MEX3D: variants seen among roughly 807,000 people sequenced by gnomAD.
The protein encoded by MEX3D is mex-3 RNA binding family member D, also known as RNA-binding protein MEX3D.
MEX3D carries 4 observed loss-of-function variants against 6.3 expected under a neutral mutation model. That is an observed-to-expected ratio of 0.64 (90% CI 0.31 to 1.46). The LOEUF is 1.46. MEX3D is among the 40% of genes most tolerant of loss of function. The pLI, the probability that MEX3D is intolerant of heterozygous loss-of-function variation, is 0.07. For missense variants in MEX3D, 1,038 were observed against 994.4 expected, an observed-to-expected ratio of 1.04 and a Z score of -0.59; for synonymous variants, 626 against 494.1, an observed-to-expected ratio of 1.27 and a Z score of -3.54.
chr19:1,563,305 C>T (rs1029007646), intron 1 of MEX3D, among the ~76,000 whole-genome samples: 1 of 152,184 alleles, frequency 6.6e-6, no homozygotes, highest in African/African-American at 2.4e-5. Flanking sequence ...AGCCAGGGGT[C>T]GCCCCCAGCT....
Position 1,567,484 on chromosome 19 carries a change from G to C in MEX3D, c.575C>G (p.Ala192Gly). Residue 192 changes from alanine (A) to glycine (G), a missense_variant, in exon 1 of 2, where the codon GCC becomes GGC. Ala to Gly is a moderately conservative substitution (Grantham distance 60, BLOSUM62 0). Coordinates refer to ENST00000402693, the MANE Select transcript of MEX3D (RefSeq NM_203304.4). The surrounding 1 kb of genome is among the most constrained non-coding windows in gnomAD (Gnocchi z 6.5). The stretch of plus-strand genomic sequence containing the variant: ...CTCACCCTGGCGACCCACGATCTCG[G>C]CGACGTGCTCGGAGCTGGGCACCGG... ...CVPVPSSEHV[A>G]EIVGRQGCKI... The C allele has an allele frequency of 6.4e-7, 1 of 1,572,886 alleles. No homozygotes were observed. Among genetic ancestry groups the C allele is most frequent in the Non-Finnish European group, 8.6e-7 (1 of 1,160,418 alleles).
At chr19:1,566,609 T>C (rs1276897425) in intron 1 of MEX3D, among the ~76,000 whole-genome samples, 2 of 151,718 alleles carry the variant, frequency 1.3e-5, no homozygotes, top group African/African-American at 4.8e-5. Context: ...AGGAGAAAGT[T>C]GAGGGAGGCA....
In MEX3D at chr19:1,567,585, C is replaced by T. The variant is rs1914875454; in HGVS notation, c.474G>A (p.Gly158=). ...TCTGGTCGGCCAGCAGCGTCGGGGG[C>T]CCCAGGGCCGCGGGGTGGGGCGCGA... The part of the protein sequence containing the change: ...AGFAPHPAAL[G]PPTLLADQMS... Residue 158 remains glycine (G), a synonymous_variant, in exon 1 of 2, where the codon GGG becomes GGA. Transcript: ENST00000402693. This position sits in a 1 kb window ranked among gnomAD's most constrained non-coding sequence, Gnocchi z 6.5. 2.7e-6 allele frequency: 4 copies of T among 1,477,698 alleles called. No homozygotes were observed. The highest frequency in any genetic ancestry group is 1.3e-5 in the South Asian group (1 of 76,960). The allele number at this position is 1,477,698 out of a possible 1,614,324, so 91.5% of individuals were successfully genotyped here.
In MEX3D at chr19:1,562,627, G is replaced by A. The variant is rs574945491; in HGVS notation, c.595+4837C>T. ...GTGGGAGGATCGTCTGAGCCCAGGA[G>A]GTTGAGGCTGCAGTGAGCTACAATC... On this transcript the variant is annotated intron_variant, in intron 1 of 1. Transcript: ENST00000402693. Among the ~76,000 whole-genome samples the A allele has an allele frequency of 2.6e-5, 4 of 152,312 alleles. 1 individual carries two copies. The South Asian group carries it at 8.3e-4, about 32-fold the overall frequency.
Position 1,568,189 on chromosome 19 carries a change from G to T in MEX3D, c.-131C>A. ...CGGCGGGGGCGGGCACGGGGGGCCGGGCGGGCGGGGCGGCGGCGGCGCGGG... is the reference window on the plus strand; with the variant it reads ...CGGCGGGGGCGGGCACGGGGGGCCGTGCGGGCGGGGCGGCGGCGGCGCGGG... On this transcript the variant is annotated 5_prime_UTR_variant, in exon 1 of 2. Coordinates refer to ENST00000402693, the MANE Select transcript of MEX3D (RefSeq NM_203304.4). The T allele has an allele frequency of 1.5e-6, 1 of 658,354 alleles. No homozygotes were observed. Among genetic ancestry groups the T allele is most frequent in the Non-Finnish European group, 1.9e-6 (1 of 537,258 alleles). 40.8% of individuals were successfully genotyped at this position (658,354 alleles called of 1,614,324 possible).
At chr19:1,564,602 G>A (rs1455208391) in intron 1 of MEX3D, among the ~76,000 whole-genome samples, 3 of 151,794 alleles carry the variant, frequency 2.0e-5, no homozygotes. Flanking sequence ...TGGGAACTCA[G>A]AGGGTTTGAA....
intron 1 of MEX3D, among the ~76,000 whole-genome samples, chr19:1,561,074 CCA>C (rs1252026897): frequency 1.3e-5 from 2 of 152,182 alleles, no homozygotes; most frequent in Non-Finnish European, 2.9e-5. Flanking sequence ...GGTGACCACC[CCA>C]GAGTCTGGCC....
rs570634068 is a variant in MEX3D, at chr19:1,556,482, G to C, written c.1037C>G (p.Thr346Ser). The change falls in exon 2 of 2, where the codon ACC (threonine) becomes AGC (serine). Residue 346 changes from threonine (T) to serine (S), a missense_variant. Physicochemically the swap from Thr to Ser is moderately conservative, Grantham distance 58 (BLOSUM62 1). Coordinates refer to ENST00000402693, the MANE Select transcript of MEX3D (RefSeq NM_203304.4). The surrounding 1 kb of genome is among the most constrained non-coding windows in gnomAD (Gnocchi z 7.5). ...GAAGTCGCTGTCGGGGCCCGCGTCG[G>C]TGAAGGCGCCAGTGCGCAGCGTGAT... ...AHITLRTGAF[T>S]DAGPDSDFHA... 5 of 1,602,816 alleles carry C rather than the reference G, an allele frequency of 3.1e-6. No individual in the cohort carries two copies. In the Admixed American group the frequency reaches 6.7e-5, roughly 21 times the overall value.
At chr19:1,558,993 T>TC (rs1009444972) in intron 1 of MEX3D, among the ~76,000 whole-genome samples, 2 of 151,674 alleles carry the variant, frequency 1.3e-5, no homozygotes, top group Admixed American at 6.6e-5. Flanking sequence ...TTTTTTTTTT[T>TC]CTTTTCCTTT....
chr19:1,557,004 G>C, intron 1 of MEX3D, 81 bp from the exon 2 acceptor site: 1 of 1,475,248 alleles, frequency 6.8e-7, no homozygotes, highest in South Asian at 1.3e-5. Flanking sequence ...AGGCTGCAGG[G>C]CCAGTGAGGG....
At chr19:1,565,471 G>A (rs1914815694) in intron 1 of MEX3D, among the ~76,000 whole-genome samples, 1 of 152,192 alleles carries the variant, frequency 6.6e-6, no homozygotes, top group Non-Finnish European at 1.5e-5. Context: ...GAAACCAGAA[G>A]GCGGAGTTTG....
rs772546301 is a variant in MEX3D, at chr19:1,556,799, G to C, written c.720C>G (p.Ile240Met). ...KEDVEMAKREILSAAEHFSII... is the reference protein window; with the variant it reads ...KEDVEMAKREMLSAAEHFSII... ...TGGAGAAGTGTTCGGCCGCCGACAG[G>C]ATCTCACGCTTGGCCATCTCCACGT... Residue 240 changes from isoleucine to methionine, a missense_variant, in exon 2 of 2, where the codon ATC (isoleucine) becomes ATG (methionine). Transcript: ENST00000402693. The surrounding 1 kb of genome is among the most constrained non-coding windows in gnomAD (Gnocchi z 7.5). The C allele has an allele frequency of 1.2e-6, 2 of 1,612,516 alleles. No homozygotes were observed. The highest frequency in any genetic ancestry group is 1.7e-6 in the Non-Finnish European group (2 of 1,179,810).
Position 1,555,366 on chromosome 19 carries a change from G to A in MEX3D, c.*197C>T. 5.0e-6 allele frequency: 8 copies of A among 1,602,782 alleles called. No individual in the cohort carries two copies. The highest frequency in any genetic ancestry group is 2.3e-5 in the East Asian group (1 of 43,720). The stretch of plus-strand genomic sequence containing the variant: ...CGTTGAAGGGCTGAGGCGCCGCCGG[G>A]CTGCGGGGTCTCCGTCTCCACGCCT... On this transcript the variant is annotated 3_prime_UTR_variant, in exon 2 of 2. Transcript: ENST00000402693.
Position 1,555,367 on chromosome 19 carries a change from C to T in MEX3D, c.*196G>A, listed in dbSNP as rs773608316. The T allele has an allele frequency of 2.5e-6, 4 of 1,601,836 alleles. No homozygotes were observed. The highest frequency in any genetic ancestry group is 2.7e-5 in the African/African-American group (2 of 74,388). On this transcript the variant is annotated 3_prime_UTR_variant, in exon 2 of 2. Coordinates refer to ENST00000402693, the MANE Select transcript of MEX3D (RefSeq NM_203304.4). Reference sequence around the variant, plus strand: ...GTTGAAGGGCTGAGGCGCCGCCGGGCTGCGGGGTCTCCGTCTCCACGCCTG... The same window carrying T: ...GTTGAAGGGCTGAGGCGCCGCCGGGTTGCGGGGTCTCCGTCTCCACGCCTG...
In MEX3D at chr19:1,555,833, G is replaced by T; in HGVS notation, c.1686C>A (p.Thr562=). The T allele has an allele frequency of 3.0e-6, 4 of 1,351,350 alleles. No homozygotes were observed. Among genetic ancestry groups the T allele is most frequent in the Non-Finnish European group, 2.8e-6 (3 of 1,058,862 alleles). 83.7% of individuals were successfully genotyped at this position (1,351,350 alleles called of 1,614,324 possible). ...CGGCCGCGGGGCTGCTGGGCAGCGA[G>T]GTGGCCGTGGAGAAGGCGGCGCCGC... The part of the protein sequence containing the change: ...FPGGAAFSTA[T]SLPSSPAAAA... The change falls in exon 2 of 2, where the codon ACC becomes ACA. Residue 562 remains threonine (T), a synonymous_variant. Transcript: ENST00000402693.
In MEX3D at chr19:1,567,832, T is replaced by C. The variant is rs1474176446; in HGVS notation, c.227A>G (p.Asp76Gly). The C allele has an allele frequency of 6.0e-6, 6 of 992,398 alleles. No homozygotes were observed. The highest frequency in any genetic ancestry group is 7.2e-6 in the Non-Finnish European group (6 of 835,988). The allele number at this position is 992,398 out of a possible 1,614,324, so 61.5% of individuals were successfully genotyped here. Residue 76 changes from aspartate (D) to glycine (G), a missense_variant, in exon 1 of 2, where the codon GAC becomes GGC. Asp to Gly is a moderately conservative substitution (Grantham distance 94). Coordinates refer to ENST00000402693, the MANE Select transcript of MEX3D (RefSeq NM_203304.4). This position sits in a 1 kb window ranked among gnomAD's most constrained non-coding sequence, Gnocchi z 6.5. ...LSALGLGGAG[D>G]TDEEGAAGDG... is the part of the protein sequence containing the mutation. ...CCCGGCCGCCCCCTCCTCGTCCGTG[T>C]CGCCAGCGCCCCCCAGCCCGAGCGC...
Position 1,567,783 on chromosome 19 carries a change from GC to G in MEX3D, c.275del (p.Gly92AlafsTer76). 6.5e-6 allele frequency: 6 copies of G among 927,666 alleles called. No homozygotes were observed. Among genetic ancestry groups the G allele is most frequent in the Non-Finnish European group, 7.7e-6 (6 of 781,228 alleles). The allele number at this position is 927,666 out of a possible 1,614,324, so 57.5% of individuals were successfully genotyped here. ...AAGDGAAAAG[G>X]ADGGAAPEPV... is the part of the protein sequence containing the mutation. ...GCTCCGGAGCCGCCCCGCCGTCCGC[GC>G]CCCCCGCCGCCGCTGCGCCGTCCCC... On this transcript the variant is annotated frameshift_variant, in exon 1 of 2. Transcript: ENST00000402693. LOFTEE classifies it high-confidence loss of function. This position sits in a 1 kb window ranked among gnomAD's most constrained non-coding sequence, Gnocchi z 6.5.
intron 1 of MEX3D, among the ~76,000 whole-genome samples, chr19:1,560,739 G>A (rs989612248): frequency 3.9e-5 from 6 of 152,146 alleles, no homozygotes; most frequent in Non-Finnish European, 8.8e-5. Context: ...CGGTGGCGCT[G>A]GGTGGAGACC....
At chr19:1,566,378 C>T (rs377340290) in intron 1 of MEX3D, among the ~76,000 whole-genome samples, 1 of 152,154 alleles carries the variant, frequency 6.6e-6, no homozygotes, top group Non-Finnish European at 1.5e-5. Context: ...CCCTGGTGGT[C>T]CCCCGCCTGA....
Sources: allele counts gnomAD v4.1 joint callset (sites outside exome capture counted in the v4.1 genomes callset), GRCh38; gene constraint gnomAD v4.1.1; non-coding constraint Gnocchi (gnomAD v3.1); transcripts MANE v1.5; gene names NCBI Gene and HGNC (gene_info 2026-07-23, HGNC 2026-07-21).